Variants in CDC27 observed in about 807,000 individuals in gnomAD.
CDC27 encodes the protein cell division cycle protein 27 homolog.
A neutral mutation model predicts 109.7 loss-of-function variants in CDC27; 27 were observed. The observed-to-expected ratio is 0.25, with a 90% confidence interval of 0.18 to 0.34. The LOEUF (loss-of-function observed/expected upper bound fraction) is 0.34. CDC27 is among the 10% of genes least tolerant of loss of function. The pLI, the probability that CDC27 is intolerant of heterozygous loss-of-function variation, is 1.00. For missense variants in CDC27, 579 were observed against 960.2 expected, an observed-to-expected ratio of 0.60 and a Z score of 5.25; for synonymous variants, 266 against 333.9, an observed-to-expected ratio of 0.80 and a Z score of 2.22.
At chr17:47,123,149 A>G (rs1181746919) in intron 17 of CDC27, among the ~76,000 whole-genome samples, 1 of 152,158 alleles carries the variant, frequency 6.6e-6, no homozygotes, top group Non-Finnish European at 1.5e-5. Flanking sequence ...TAAGTTTCCA[A>G]TAAATATCAC....
intron 3 of CDC27, chr17:47,170,295 T>G: frequency 4.4e-6 from 1 of 227,496 alleles, no homozygotes; most frequent in Non-Finnish European, 8.5e-6. Flanking sequence ...ATTCCTGGAC[T>G]CAGGTGAGCC....
chr17:47,126,802 AT>A (rs36028247), intron 16 of CDC27, among the ~76,000 whole-genome samples: 14 of 151,756 alleles, frequency 9.2e-5, no homozygotes. Flanking sequence ...TATGAAAAAA[AT>A]TTTTTTTTGA....
intron 4 of CDC27, among the ~76,000 whole-genome samples, chr17:47,163,923 C>G (rs1352949048): frequency 6.6e-6 from 1 of 152,082 alleles, no homozygotes; most frequent in Non-Finnish European, 1.5e-5. Flanking sequence ...GTCACCACGC[C>G]CAGCTGATTT....
In CDC27 at chr17:47,189,126, GAGA is replaced by G. The variant is rs745504643; in HGVS notation, c.27+17_27+19del. On this transcript the variant is annotated intron_variant, in intron 1 of 18. Transcript: ENST00000066544. ...GACCGAGGCTGCCAGCCAAGCCCCA[GAGA>G]AGAAGGTTATCATTACCTGGACGGG... 4.0e-5 allele frequency: 65 copies of G among 1,612,472 alleles called. 1 individual carries two copies. Among genetic ancestry groups the G allele is most frequent in the Non-Finnish European group, 2.8e-5 (33 of 1,178,646 alleles).
rs575743684 is a variant in CDC27, at chr17:47,120,681, GA to G, written c.*253del. 2.5e-3 allele frequency: 878 copies of G among 356,908 alleles called. 1 individual carries two copies. The highest frequency in any genetic ancestry group is 3.0e-3 in the Non-Finnish European group (582 of 196,964). 22.1% of individuals were successfully genotyped at this position (356,908 alleles called of 1,614,324 possible). On this transcript the variant is annotated 3_prime_UTR_variant, in exon 19 of 19. Transcript: ENST00000066544. Reference sequence around the variant, plus strand: ...AACAAAGGGAGATTAAAGAAAAACAGAAAAGAAAGTTCCCCACCCTACCCCC... The same window carrying G: ...AACAAAGGGAGATTAAAGAAAAACAGAAAGAAAGTTCCCCACCCTACCCCC...
At chr17:47,152,032 G>A (rs2063168906) in intron 8 of CDC27, 114 bp from the exon 9 acceptor site, 1 of 803,342 alleles carries the variant, frequency 1.2e-6, no homozygotes, top group Non-Finnish European at 1.8e-6. Context: ...ATAATATACT[G>A]TCACCTTAAA....
At chr17:47,182,808 T>C (rs1370124633) in intron 1 of CDC27, among the ~76,000 whole-genome samples, 1 of 152,210 alleles carries the variant, frequency 6.6e-6, no homozygotes, top group East Asian at 1.9e-4. Context: ...TTTTGTTTTG[T>C]TTTTCCAATT....
intron 12 of CDC27, 51 bp downstream of exon 12, chr17:47,141,802 G>A: frequency 9.0e-7 from 1 of 1,112,078 alleles, no homozygotes; most frequent in Non-Finnish European, 1.3e-6. Flanking sequence ...TTATTTTAAT[G>A]AAATTGAAAT....
rs556341295 is a variant in CDC27 at position 47,184,983 on chromosome 17, C to T, written c.28-3346G>A. Among the ~76,000 whole-genome samples, 23 of 152,258 alleles carry T rather than the reference C, an allele frequency of 1.5e-4. No individual in the cohort carries two copies. In the South Asian group the frequency reaches 2.3e-3, roughly 15 times the overall value. On this transcript the variant is annotated intron_variant, in intron 1 of 18. Coordinates refer to ENST00000066544, the MANE Select transcript of CDC27 (RefSeq NM_001256.6). ...AAAAGAACAACGCTCCTCTCCCTCTCCCCTAAAAAATGTTTAAGAGAAATC... is the reference window on the plus strand; with the variant it reads ...AAAAGAACAACGCTCCTCTCCCTCTTCCCTAAAAAATGTTTAAGAGAAATC...
At chr17:47,134,611 G>C (rs563961323) in intron 14 of CDC27, among the ~76,000 whole-genome samples, 9 of 152,038 alleles carry the variant, frequency 5.9e-5, no homozygotes, top group African/African-American at 2.2e-4. Context: ...AAGCAGCTGG[G>C]ACTACAGGCA....
At chr17:47,174,558 C>T (rs1364796989) in intron 2 of CDC27, among the ~76,000 whole-genome samples, 2 of 152,142 alleles carry the variant, frequency 1.3e-5, no homozygotes, top group African/African-American at 4.8e-5. Context: ...GCATTGACTC[C>T]ATTAAGTCAC....
Position 47,120,327 on chromosome 17 carries a change from T to C in CDC27, c.*608A>G, listed in dbSNP as rs1257583695. 6.5e-6 allele frequency: 1 copy of C among 152,714 alleles called. No individual in the cohort carries two copies. The highest frequency in any genetic ancestry group is 2.4e-5 in the African/African-American group (1 of 41,466). 9.5% of individuals were successfully genotyped at this position (152,714 alleles called of 1,614,324 possible). ...ATTCTTGCCAAGAATAAGAGTACAC[T>C]GTATGGAGGGATATTTGATTCCTAC... is the stretch of plus-strand genomic sequence containing the variant. On this transcript the variant is annotated 3_prime_UTR_variant, in exon 19 of 19. Coordinates refer to ENST00000066544, the MANE Select transcript of CDC27 (RefSeq NM_001256.6).
intron 3 of CDC27, 80 bp from the exon 4 acceptor site, chr17:47,170,122 G>A (rs567915713): frequency 2.7e-6 from 3 of 1,130,592 alleles, no homozygotes; most frequent in South Asian, 4.0e-5. Flanking sequence ...TTACCAAAGT[G>A]CATCTAACTA....
intron 4 of CDC27, among the ~76,000 whole-genome samples, chr17:47,167,624 G>C (rs2063689093): frequency 6.6e-6 from 1 of 152,140 alleles, no homozygotes; most frequent in Non-Finnish European, 1.5e-5. Context: ...TTTGAGTGTG[G>C]AAAAAGCAAC....
chr17:47,148,865 G>A (rs1289462390), intron 9 of CDC27, among the ~76,000 whole-genome samples: 1 of 151,998 alleles, frequency 6.6e-6, no homozygotes, highest in Non-Finnish European at 1.5e-5. Context: ...GATCACCTGA[G>A]GTCAGGAATT....
rs1327714808 is a variant in CDC27, at chr17:47,157,282, A to G, written c.578T>C (p.Leu193Ser). 1 of 1,613,280 alleles carries G rather than the reference A, an allele frequency of 6.2e-7. No individual in the cohort carries two copies. The highest frequency in any genetic ancestry group is 1.7e-5 in the Admixed American group (1 of 60,018). Residue 193 changes from leucine to serine, a missense_variant, in exon 6 of 19, where the codon TTA (leucine) becomes TCA (serine). Coordinates refer to ENST00000066544, the MANE Select transcript of CDC27 (RefSeq NM_001256.6). ...AACTGTCTCAGGCTGTCTGTGAGAT[A>G]AACTATGATTAGGTACTTGTGTTGT... The part of the protein sequence containing the change: ...SCTTQVPNHS[L>S]SHRQPETVLT...
chr17:47,173,963 G>A (rs1042618593), intron 2 of CDC27, among the ~76,000 whole-genome samples: 2 of 152,132 alleles, frequency 1.3e-5, no homozygotes, highest in Admixed American at 6.5e-5. Context: ...GCGCGGTGGC[G>A]CAAGCCTGTA....
Position 47,170,024 on chromosome 17 carries a change from T to C in CDC27, c.270A>G (p.Gln90=). 1.3e-6 allele frequency: 2 copies of C among 1,535,868 alleles called. No individual in the cohort carries two copies. Among genetic ancestry groups the C allele is most frequent in the Non-Finnish European group, 8.7e-7 (1 of 1,145,170 alleles). The change falls in exon 4 of 19, where the codon CAA becomes CAG. Residue 90 remains glutamine (Q), a synonymous_variant. Transcript: ENST00000066544. ...VDLSKLAEGE[Q]ILSGGVFNKQ... ...TATTAAACACTCCACCAGATAAGAT[T>C]TGTTCCCCTTCTGCAAGCCTTTAAA...
intron 15 of CDC27, among the ~76,000 whole-genome samples, chr17:47,129,961 G>A (rs889429656): frequency 2.7e-5 from 4 of 148,784 alleles, no homozygotes; most frequent in African/African-American, 7.4e-5. Context: ...AGGTTTATGC[G>A]GTCTTTCAAA....
Sources: allele counts gnomAD v4.1 joint callset (sites outside exome capture counted in the v4.1 genomes callset), GRCh38; gene constraint gnomAD v4.1.1; transcripts MANE v1.5; gene names NCBI Gene and HGNC (gene_info 2026-07-23, HGNC 2026-07-21).